The following ATAD1 variants were observed in gnomAD, a reference collection of about 807,000 sequenced individuals.
ATAD1 encodes the protein outer mitochondrial transmembrane helix translocase.
Under a neutral mutation model 42.7 loss-of-function variants are expected in ATAD1, and 18 were observed. That is an observed-to-expected ratio of 0.42 (90% CI 0.29 to 0.63). The LOEUF is 0.63. Among genes scored for constraint, ATAD1 ranks in the 20% least tolerant of loss-of-function variants. ATAD1 has a pLI of 0.19. For synonymous variants in ATAD1, 132 were observed against 143.1 expected, an observed-to-expected ratio of 0.92 and a Z score of 0.55; for missense variants, 294 against 440.4, an observed-to-expected ratio of 0.67 and a Z score of 2.98.
At chr10:87,756,970 GT>G in intron 8 of ATAD1, 48 bp from the exon 9 acceptor site, 1 of 1,462,024 alleles carries the variant, frequency 6.8e-7, no homozygotes, top group Admixed American at 2.2e-5. Flanking sequence ...TAAATATATT[GT>G]AAATGATACT....
At chr10:87,829,560 C>T (rs530054237) in intron 1 of ATAD1, among the ~76,000 whole-genome samples, 2 of 152,244 alleles carry the variant, frequency 1.3e-5, no homozygotes, top group African/African-American at 4.8e-5. Context: ...GGCCAGGATT[C>T]ACCATTCTAA....
At chr10:87,799,226 G>A (rs1272677701) in intron 2 of ATAD1, among the ~76,000 whole-genome samples, 1 of 152,086 alleles carries the variant, frequency 6.6e-6, no homozygotes, top group African/African-American at 2.4e-5. Context: ...ACTTATCCCT[G>A]CAAAATACTA....
At chr10:87,780,623 T>C (rs1027664538) in intron 5 of ATAD1, among the ~76,000 whole-genome samples, 3 of 152,086 alleles carry the variant, frequency 2.0e-5, no homozygotes, top group African/African-American at 4.8e-5. Context: ...AATGAAGATA[T>C]GAGGTTGCAA....
chr10:87,838,228 A>G lies in ATAD1; in HGVS notation c.-14+2959T>C, dbSNP rs369426056. Reference sequence around the variant, plus strand: ...TATCTAGGTTTTATAACTATATTTAATGAAAAAGACAGGGTGGGCTGGGCG... The same window carrying G: ...TATCTAGGTTTTATAACTATATTTAGTGAAAAAGACAGGGTGGGCTGGGCG... On this transcript the variant is annotated intron_variant, in intron 1 of 4. Transcript: ENST00000495903. Among the ~76,000 whole-genome samples the G allele has an allele frequency of 3.9e-5, 6 of 152,264 alleles. No individual in the cohort carries two copies. In the East Asian group the frequency reaches 9.6e-4, roughly 24 times the overall value.
intron 4 of ATAD1, among the ~76,000 whole-genome samples, chr10:87,787,646 C>G (rs1419743325): frequency 6.6e-6 from 1 of 152,110 alleles, no homozygotes; most frequent in Non-Finnish European, 1.5e-5. Context: ...TTGGGATACA[C>G]AAATCTAAAT....
At chr10:87,806,270 T>G (rs1856919456) in intron 2 of ATAD1, among the ~76,000 whole-genome samples, 1 of 151,672 alleles carries the variant, frequency 6.6e-6, no homozygotes, top group Non-Finnish European at 1.5e-5. Flanking sequence ...TTCTCACTCC[T>G]CTGGTCATTT....
intron 2 of ATAD1, among the ~76,000 whole-genome samples, chr10:87,811,950 G>C (rs4443987): frequency 0.28 from 43,119 of 151,972 alleles, 6,404 homozygotes; most frequent in Non-Finnish European, 0.31. Context: ...AAGTCTTTGA[G>C]GTATCCAGAC....
chr10:87,781,020 C>G (rs996357024), intron 5 of ATAD1, among the ~76,000 whole-genome samples: 1 of 152,100 alleles, frequency 6.6e-6, no homozygotes, highest in Non-Finnish European at 1.5e-5. Flanking sequence ...AACACACAAA[C>G]TGAGAAATTA....
intron 9 of ATAD1, 143 bp from the exon 10 acceptor site, chr10:87,754,950 C>A (rs563895268): frequency 2.0e-6 from 2 of 987,336 alleles, no homozygotes; most frequent in South Asian, 3.8e-5. Flanking sequence ...AAAATGAAAT[C>A]TCTTTACCAT....
intron 3 of ATAD1, 107 bp downstream of exon 3, chr10:87,792,550 C>T (rs928247924): frequency 1.2e-5 from 9 of 748,640 alleles, no homozygotes; most frequent in African/African-American, 7.1e-5. Flanking sequence ...TATGATTCAG[C>T]CTAGAGAATC....
chr10:87,789,467 T>A (rs151130162), intron 4 of ATAD1, among the ~76,000 whole-genome samples: 1 of 152,326 alleles, frequency 6.6e-6, no homozygotes, highest in Non-Finnish European at 1.5e-5. Context: ...ATGCCTGTAA[T>A]CCCAGCACTC....
At position 87,798,625 on chromosome 10, in the gene ATAD1, G is replaced by GTGTGTGTGTGTGTGTGTGTGTGTGTGT. The variant is rs567973402; in HGVS notation, c.163-5871_163-5870insACACACACACACACACACACACACACA. 3.8e-3 allele frequency among the ~76,000 whole-genome samples: 470 copies of GTGTGTGTGTGTGTGTGTGTGTGTGTGT among 124,900 alleles called. 9 individuals carry two copies. The highest frequency in any genetic ancestry group is 9.2e-3 in the African/African-American group (301 of 32,828). The allele number at this position is 124,900 out of a possible 152,430, so 81.9% of individuals were successfully genotyped here. On this transcript the variant is annotated intron_variant, in intron 2 of 9. Transcript: ENST00000680024. ...AAGTTCCAAAGTAAAAGCTATAGGG[G>GTGTGTGTGTGTGTGTGTGTGTGTGTGT]GTGTGTGTGTGTGTGTGTGTGTGTG...
Position 87,754,221 on chromosome 10 carries a change from G to C in ATAD1, c.*466C>G, listed in dbSNP as rs2131743503. On this transcript the variant is annotated 3_prime_UTR_variant, in exon 10 of 10. Transcript: ENST00000680024. ...TGGTACTCCTGGATTCAGTAGTTGGGGTAAAAAAAGTTTCTATATTCAAAC... is the reference window on the plus strand; with the variant it reads ...TGGTACTCCTGGATTCAGTAGTTGGCGTAAAAAAAGTTTCTATATTCAAAC... 6.6e-6 allele frequency: 1 copy of C among 152,316 alleles called. No individual in the cohort carries two copies. The highest frequency in any genetic ancestry group is 2.1e-4 in the South Asian group (1 of 4,790). 9.4% of individuals were successfully genotyped at this position (152,316 alleles called of 1,614,324 possible). A position where few individuals can be genotyped will look rare whatever the true frequency, so the allele number is the denominator to read the frequency against.
In ATAD1 at chr10:87,814,608, TTA is replaced by T; in HGVS notation, c.-11_-10del. 1 of 1,590,396 alleles carries T rather than the reference TTA, an allele frequency of 6.3e-7. No homozygotes were observed. Among genetic ancestry groups the T allele is most frequent in the Non-Finnish European group, 8.5e-7 (1 of 1,170,166 alleles). On this transcript the variant is annotated splice_region_variant and 5_prime_UTR_variant, in exon 2 of 10. Coordinates refer to ENST00000680024, the MANE Select transcript of ATAD1 (RefSeq NM_001321967.2). ...GCTTCAGCATGTACCATCTTGAATG[TTA>T]ACCTTAAAAAAACAAACAGAAATGT...
At chr10:87,804,551 G>A (rs1305070657) in intron 2 of ATAD1, among the ~76,000 whole-genome samples, 2 of 152,102 alleles carry the variant, frequency 1.3e-5, no homozygotes, top group Non-Finnish European at 2.9e-5. Flanking sequence ...TGTATTTTTA[G>A]TAGAGACGGG....
intron 4 of ATAD1, among the ~76,000 whole-genome samples, chr10:87,789,734 A>G (rs1157666587): frequency 4.6e-5 from 7 of 152,106 alleles, no homozygotes; most frequent in Admixed American, 4.6e-4. Context: ...AAAGAAAAGA[A>G]AAGAGAGAAA....
chr10:87,769,402 T>A (rs528067076), intron 7 of ATAD1, among the ~76,000 whole-genome samples: 3 of 152,190 alleles, frequency 2.0e-5, no homozygotes, highest in African/African-American at 7.2e-5. Context: ...CTTGTCTCAT[T>A]TGCCTGTCAA....
intron 1 of ATAD1, among the ~76,000 whole-genome samples, chr10:87,835,873 C>T (rs1857920378): frequency 6.6e-6 from 1 of 152,010 alleles, no homozygotes; most frequent in African/African-American, 2.4e-5. Flanking sequence ...TTTACACAAC[C>T]TACTTAGAAT....
At chr10:87,801,851 G>A (rs895758411) in intron 2 of ATAD1, among the ~76,000 whole-genome samples, 3 of 152,222 alleles carry the variant, frequency 2.0e-5, no homozygotes, top group African/African-American at 7.2e-5. Context: ...CTCACAGAGA[G>A]CTGGAACATC....
Sources: allele counts gnomAD v4.1 joint callset (sites outside exome capture counted in the v4.1 genomes callset), GRCh38; gene constraint gnomAD v4.1.1; transcripts MANE v1.5; gene names NCBI Gene and HGNC (gene_info 2026-07-23, HGNC 2026-07-21).